The following NALCN variants were observed in gnomAD, a reference collection of about 807,000 sequenced individuals.
The protein encoded by NALCN is sodium leak channel, non-selective.
A neutral mutation model predicts 225.3 loss-of-function variants in NALCN; 111 were observed. The observed-to-expected ratio is 0.49, with a 90% CI of 0.42 to 0.58. The LOEUF (loss-of-function observed/expected upper bound fraction) is 0.58. Ranked by LOEUF, NALCN falls within the 20% of genes least tolerant of loss-of-function variation. The probability of loss-of-function intolerance (pLI) is 0.00; values close to 1 mark genes in which losing one functional copy is unlikely to be tolerated. For missense variants in NALCN, 1,378 were observed against 2,202.4 expected (o/e 0.63, Z 7.49); for synonymous variants, 764 against 769.0 (o/e 0.99, Z 0.11).
chr13:101,188,166 A>C (rs2039525089), intron 14 of NALCN, among the ~76,000 whole-genome samples: 1 of 152,222 alleles, frequency 6.6e-6, no homozygotes, highest in South Asian at 2.1e-4. Context: ...TGATAAACAA[A>C]TATGGCATAT....
At chr13:101,382,332 A>C (rs1199231686) in intron 3 of NALCN, among the ~76,000 whole-genome samples, 2 of 151,926 alleles carry the variant, frequency 1.3e-5, no homozygotes, top group East Asian at 1.9e-4. Context: ...CCAGGAGCCA[A>C]AGGTGGAGGA....
chr13:101,256,464 T>C (rs1018543479), intron 11 of NALCN, among the ~76,000 whole-genome samples: 1 of 152,228 alleles, frequency 6.6e-6, no homozygotes, highest in Non-Finnish European at 1.5e-5. Context: ...CCTCTTCTTA[T>C]ACAGGGCTAA....
At position 101,103,126 on chromosome 13, in the gene NALCN, G is replaced by C. The variant is rs778779356; in HGVS notation, c.3057+46C>G. 13 of 1,587,726 alleles carry C rather than the reference G, an allele frequency of 8.2e-6. No homozygotes were observed. The African/African-American group carries it at 1.4e-4, about 17-fold the overall frequency. On this transcript the variant is annotated intron_variant, in intron 26 of 43. Coordinates refer to ENST00000251127, the MANE Select transcript of NALCN (RefSeq NM_052867.4). ...CACTTTTCCCTCATTAGCTGCATTAGAGGTGGACTACTGTGAACTGGAATC... is the reference window on the plus strand; with the variant it reads ...CACTTTTCCCTCATTAGCTGCATTACAGGTGGACTACTGTGAACTGGAATC...
intron 3 of NALCN, among the ~76,000 whole-genome samples, chr13:101,389,002 G>A (rs2047068685): frequency 6.6e-6 from 1 of 152,226 alleles, no homozygotes; most frequent in Non-Finnish European, 1.5e-5. Context: ...GTCCAGGGGA[G>A]TACTGTGAAT....
At chr13:101,359,376 G>A (rs1182450147) in intron 6 of NALCN, among the ~76,000 whole-genome samples, 1 of 152,162 alleles carries the variant, frequency 6.6e-6, no homozygotes, top group Admixed American at 6.5e-5. Context: ...GAACATGAAA[G>A]ATACGTGTAT....
chr13:101,062,038 G>T lies in NALCN; in HGVS notation c.4685C>A (p.Thr1562Asn), dbSNP rs757526081. Residue 1562 changes from threonine (T) to asparagine (N), a missense_variant, in exon 41 of 44, where the codon ACC becomes AAC. Physicochemically the swap from Thr to Asn is moderately conservative, Grantham distance 65. Coordinates refer to ENST00000251127, the MANE Select transcript of NALCN (RefSeq NM_052867.4). ...CTGCTTGGCCACCTCCTCCTCTATG[G>T]TGTACTCCAGCTGCTCCCTCGCCAG... The part of the protein sequence containing the change: ...ELLAREQLEY[T>N]IEEEVAKQTI... The T allele has an allele frequency of 8.7e-6, 14 of 1,614,126 alleles. No homozygotes were observed. The South Asian group carries it at 1.3e-4, about 15-fold the overall frequency.
chr13:101,150,473 T>C (rs1035568710), intron 15 of NALCN, among the ~76,000 whole-genome samples: 6 of 152,182 alleles, frequency 3.9e-5, no homozygotes, highest in African/African-American at 7.2e-5. Context: ...CTTTGACGTC[T>C]TTCCCAACCC....
chr13:101,307,131 T>C (rs574645254), intron 7 of NALCN, among the ~76,000 whole-genome samples: 1 of 152,338 alleles, frequency 6.6e-6, no homozygotes, highest in African/African-American at 2.4e-5. Flanking sequence ...TTCCTGCTAC[T>C]ATTATGGAGA....
intron 28 of NALCN, among the ~76,000 whole-genome samples, chr13:101,094,334 G>A (rs1362877970): frequency 2.0e-5 from 3 of 152,028 alleles, no homozygotes; most frequent in Non-Finnish European, 4.4e-5. Flanking sequence ...TGATCCCCCT[G>A]GGGTACCTCA....
chr13:101,185,931 G>A (rs528161274), intron 14 of NALCN, among the ~76,000 whole-genome samples: 108 of 152,158 alleles, frequency 7.1e-4, no homozygotes, highest in Non-Finnish European at 1.1e-3. Flanking sequence ...GTTAAAATGC[G>A]TTGTAGCATT....
At chr13:101,375,418 A>G (rs2046660153) in intron 6 of NALCN, among the ~76,000 whole-genome samples, 1 of 152,212 alleles carries the variant, frequency 6.6e-6, no homozygotes, top group Admixed American at 6.5e-5. Flanking sequence ...CTATACTCAC[A>G]GAGATATTCA....
chr13:101,318,205 T>C (rs509933), intron 7 of NALCN, among the ~76,000 whole-genome samples: 61,979 of 151,924 alleles, frequency 0.41, 13,004 homozygotes, highest in Middle Eastern at 0.47. Flanking sequence ...AGGCAGCATT[T>C]GACTTTCACT....
At chr13:101,373,602 T>C (rs143704252) in intron 6 of NALCN, among the ~76,000 whole-genome samples, 2 of 152,310 alleles carry the variant, frequency 1.3e-5, no homozygotes, top group South Asian at 2.1e-4. Flanking sequence ...CTTGGCACTA[T>C]AGGAATTAAA....
At chr13:101,306,817 G>A (rs2044167538) in intron 7 of NALCN, among the ~76,000 whole-genome samples, 1 of 152,172 alleles carries the variant, frequency 6.6e-6, no homozygotes, top group Non-Finnish European at 1.5e-5. Flanking sequence ...ACTGTGGGTT[G>A]GATCCTGCCC....
Position 101,169,995 on chromosome 13 carries a change from C to T in NALCN, c.1839+6305G>A, listed in dbSNP as rs185928989. ...TCAGGAGATGCAACCAGTGCTCAGCCGAATGGCATCTTCCAGCAGTATCCC... is the reference window on the plus strand; with the variant it reads ...TCAGGAGATGCAACCAGTGCTCAGCTGAATGGCATCTTCCAGCAGTATCCC... On this transcript the variant is annotated intron_variant, in intron 15 of 43. Coordinates refer to ENST00000251127, the MANE Select transcript of NALCN (RefSeq NM_052867.4). 4.9e-3 allele frequency among the ~76,000 whole-genome samples: 750 copies of T among 152,238 alleles called. 1 individual carries two copies. Among genetic ancestry groups the T allele is most frequent in the African/African-American group, 0.017 (689 of 41,554 alleles).
At chr13:101,397,425 T>C (rs1389737978) in intron 2 of NALCN, among the ~76,000 whole-genome samples, 5 of 150,814 alleles carry the variant, frequency 3.3e-5, no homozygotes, top group Non-Finnish European at 7.4e-5. Flanking sequence ...ACATATTACA[T>C]ATACATGTTA....
At chr13:101,142,138 C>CTTTTTTTTT (rs33925974) in intron 17 of NALCN, among the ~76,000 whole-genome samples, 112 of 97,048 alleles carry the variant, frequency 1.2e-3, no homozygotes, top group Non-Finnish European at 1.3e-3. Context: ...CATTCTATGT[C>CTTTTTTTTT]TTTTTTTTTT....
intron 27 of NALCN, 23 bp from the exon 28 acceptor site, chr13:101,095,703 G>T: frequency 6.4e-7 from 1 of 1,568,566 alleles, no homozygotes; most frequent in Non-Finnish European, 8.7e-7. Flanking sequence ...AACAAGAGGA[G>T]AGGGGAAACC....
intron 6 of NALCN, among the ~76,000 whole-genome samples, chr13:101,374,445 C>A (rs2046630239): frequency 6.6e-6 from 1 of 151,774 alleles, no homozygotes; most frequent in African/African-American, 2.4e-5. Context: ...TGCCACCATG[C>A]CCGGCTAATT....
Sources: allele counts gnomAD v4.1 joint callset (sites outside exome capture counted in the v4.1 genomes callset), GRCh38; gene constraint gnomAD v4.1.1; transcripts MANE v1.5; gene names NCBI Gene and HGNC (gene_info 2026-07-23, HGNC 2026-07-21).